Variants in CA5A observed in about 807,000 individuals in gnomAD.
CA5A encodes carbonic anhydrase 5A.
CA5A carries 28 observed loss-of-function variants against 37.1 expected under a neutral mutation model. The observed-to-expected ratio is 0.75, with a 90% CI of 0.56 to 1.03. The LOEUF (loss-of-function observed/expected upper bound fraction) is 1.03. Among genes scored for constraint, CA5A ranks in the 50% least tolerant of loss-of-function variants. CA5A has a pLI of 0.00. For synonymous variants in CA5A, 171 were observed against 158.4 expected, an observed-to-expected ratio of 1.08 and a Z score of -0.60; for missense variants, 444 against 399.9, an observed-to-expected ratio of 1.11 and a Z score of -0.94.
chr16:87,912,552 A>G (rs11862918), intron 2 of CA5A, among the ~76,000 whole-genome samples: 42,848 of 151,988 alleles, frequency 0.28, 7,793 homozygotes, highest in African/African-American at 0.52. Context: ...ACTTTCTCCC[A>G]CGTGCCGGGC....
chr16:87,936,225 G>T, intron 1 of CA5A, 84 bp downstream of exon 1: 3 of 914,682 alleles, frequency 3.3e-6, no homozygotes, highest in East Asian at 2.5e-5. Flanking sequence ...GGCTCGGGAC[G>T]GTCTCTCCTC....
chr16:87,904,045 C>T (rs1407874020), intron 3 of CA5A, among the ~76,000 whole-genome samples: 1 of 152,110 alleles, frequency 6.6e-6, no homozygotes. Context: ...AATAAGACTG[C>T]TTTAAGATGA....
Position 87,892,945 on chromosome 16 carries a change from C to T in CA5A, c.619-991G>A, listed in dbSNP as rs949469514. On this transcript the variant is annotated intron_variant, in intron 5 of 6. Coordinates refer to ENST00000649794, the MANE Select transcript of CA5A (RefSeq NM_001739.2). ...TGCTGGGGTGAGCCACTGTGCCCGGCCTATGGGCTCCTTTTTAAGGAGGGA... is the reference window on the plus strand; with the variant it reads ...TGCTGGGGTGAGCCACTGTGCCCGGTCTATGGGCTCCTTTTTAAGGAGGGA... The T allele has an allele frequency of 3.2e-5, 27 of 848,838 alleles. No homozygotes were observed. In the African/African-American group the frequency reaches 4.2e-4, roughly 13 times the overall value. The allele number at this position is 848,838 out of a possible 1,614,324, so 52.6% of individuals were successfully genotyped here. A position where few individuals can be genotyped will look rare whatever the true frequency, so the allele number is the denominator to read the frequency against.
intron 2 of CA5A, among the ~76,000 whole-genome samples, chr16:87,913,685 C>T (rs968887724): frequency 1.3e-5 from 2 of 148,474 alleles, no homozygotes; most frequent in Non-Finnish European, 3.0e-5. Context: ...GAAGAGCCCA[C>T]ACTCAGCTTC....
chr16:87,899,269 A>G lies in CA5A; in HGVS notation c.618+2643T>C, dbSNP rs577116448. On this transcript the variant is annotated intron_variant, in intron 5 of 6. Coordinates refer to ENST00000649794, the MANE Select transcript of CA5A (RefSeq NM_001739.2). Reference sequence around the variant, plus strand: ...CATGAAGCACAGACTCTTGCTCCCAAGGCTGGGCCTTTTACCTCCTAAGGT... The same window carrying G: ...CATGAAGCACAGACTCTTGCTCCCAGGGCTGGGCCTTTTACCTCCTAAGGT... Among the ~76,000 whole-genome samples the G allele has an allele frequency of 2.7e-5, 4 of 147,930 alleles. No individual in the cohort carries two copies. The South Asian group carries it at 8.7e-4, about 32-fold the overall frequency.
At chr16:87,929,542 T>G (rs57298332) in intron 1 of CA5A, among the ~76,000 whole-genome samples, 6,202 of 152,022 alleles carry the variant, frequency 0.041, 392 homozygotes, top group African/African-American at 0.14. Flanking sequence ...TTTTGTTCTT[T>G]AATCAACTTG....
rs374369855 is a variant in CA5A at position 87,935,523 on chromosome 16, C to G, written c.142+786G>C. Among the ~76,000 whole-genome samples, 18 of 152,324 alleles carry G rather than the reference C, an allele frequency of 1.2e-4. No individual in the cohort carries two copies. The East Asian group carries it at 1.4e-3, about 11-fold the overall frequency. ...ACCCGCCTGCTCCCAGCATCTTGCCCTCCCCAGGACCCCTGAAACGGAGGC... is the reference window on the plus strand; with the variant it reads ...ACCCGCCTGCTCCCAGCATCTTGCCGTCCCCAGGACCCCTGAAACGGAGGC... On this transcript the variant is annotated intron_variant, in intron 1 of 6. Transcript: ENST00000649794.
chr16:87,919,967 C>G (rs1223371188), intron 2 of CA5A, among the ~76,000 whole-genome samples: 1 of 152,200 alleles, frequency 6.6e-6, no homozygotes, highest in Admixed American at 6.5e-5. Flanking sequence ...CTCGTCCCTC[C>G]ACCCAGCCCC....
chr16:87,935,712 C>T (rs1347897538), intron 1 of CA5A, among the ~76,000 whole-genome samples: 1 of 151,914 alleles, frequency 6.6e-6, no homozygotes, highest in African/African-American at 2.4e-5. Flanking sequence ...CCCATCTCTA[C>T]CAAAATACAA....
intron 2 of CA5A, among the ~76,000 whole-genome samples, chr16:87,917,617 A>G (rs937796086): frequency 1.8e-4 from 26 of 146,318 alleles, no homozygotes; most frequent in African/African-American, 7.1e-4. Flanking sequence ...ACACATGTGC[A>G]CACACAAACA....
intron 2 of CA5A, among the ~76,000 whole-genome samples, chr16:87,917,104 CAAAA>C (rs762381468): frequency 3.0e-5 from 2 of 65,882 alleles, no homozygotes; most frequent in Non-Finnish European, 3.6e-5. Flanking sequence ...GAGTCTGTCT[CAAAA>C]AAAAAAAAAA....
intron 5 of CA5A, among the ~76,000 whole-genome samples, chr16:87,898,868 G>A (rs138660263): frequency 0.023 from 3,467 of 151,870 alleles, 41 homozygotes; most frequent in African/African-American, 0.036. Context: ...CTGAGTAGCT[G>A]GGATTACAGG....
chr16:87,934,226 AC>A (rs2056442615), intron 1 of CA5A, among the ~76,000 whole-genome samples: 1 of 152,188 alleles, frequency 6.6e-6, no homozygotes, highest in Non-Finnish European at 1.5e-5. Flanking sequence ...ACCATTATCA[AC>A]CCCCTGTTAC....
At chr16:87,924,072 G>C (rs1026635370) in intron 2 of CA5A, 2 of 985,310 alleles carry the variant, frequency 2.0e-6, no homozygotes, top group Admixed American at 6.1e-5. Context: ...CTGAATAAAT[G>C]AATGCAAAAA....
chr16:87,934,654 G>A (rs115657647), intron 1 of CA5A, among the ~76,000 whole-genome samples: 3 of 151,382 alleles, frequency 2.0e-5, no homozygotes, highest in South Asian at 2.1e-4. Flanking sequence ...CGCTCTTGAC[G>A]GTCGTACTAA....
intron 2 of CA5A, among the ~76,000 whole-genome samples, chr16:87,923,130 G>T (rs1177873791): frequency 6.6e-6 from 1 of 152,196 alleles, no homozygotes; most frequent in African/African-American, 2.4e-5. Flanking sequence ...CGTAAAATGA[G>T]GGTCCCGCAA....
At chr16:87,902,027 A>C (rs1597554282) in intron 4 of CA5A, 53 bp from the exon 5 acceptor site, 4 of 1,472,432 alleles carry the variant, frequency 2.7e-6, no homozygotes, top group Non-Finnish European at 2.9e-6. Flanking sequence ...ATGGGGGGGG[A>C]AGCTCACTCC....
chr16:87,889,026 T>G (rs1247830995), intron 6 of CA5A, among the ~76,000 whole-genome samples: 1 of 151,952 alleles, frequency 6.6e-6, no homozygotes, highest in Non-Finnish European at 1.5e-5. Flanking sequence ...TTCAAGGGAT[T>G]CTCCTGCCTC....
chr16:87,924,698 C>T (rs746012614), intron 2 of CA5A, among the ~76,000 whole-genome samples: 42 of 152,244 alleles, frequency 2.8e-4, no homozygotes, highest in Non-Finnish European at 5.9e-4. Context: ...GCTGGGGAAG[C>T]CCCGGTGAGC....
Sources: allele counts gnomAD v4.1 joint callset (sites outside exome capture counted in the v4.1 genomes callset), GRCh38; gene constraint gnomAD v4.1.1; transcripts MANE v1.5; gene names NCBI Gene and HGNC (gene_info 2026-07-23, HGNC 2026-07-21).